CNTLN: variants seen among roughly 807,000 people sequenced by gnomAD.
The protein encoded by CNTLN is centlein, also known as centlein, centrosomal protein.
A neutral mutation model predicts 180.0 loss-of-function variants in CNTLN; 212 were observed. The ratio of observed to expected loss-of-function variants is 1.18; its 90% confidence interval spans 1.05 to 1.32. The LOEUF (loss-of-function observed/expected upper bound fraction) is 1.32. Ranked by LOEUF, CNTLN falls within the 40% of genes most tolerant of loss-of-function variation. CNTLN has a pLI of 0.00. For synonymous variants in CNTLN, 722 were observed against 563.1 expected (o/e 1.28, Z -3.99); for missense variants, 2,095 against 1,610.9 (o/e 1.30, Z -5.14).
rs35280499 is a variant in CNTLN at position 17,256,091 on chromosome 9, A to AT, written c.850-17635dup. 5.1e-3 allele frequency among the ~76,000 whole-genome samples: 768 copies of AT among 151,708 alleles called. 5 individuals are homozygous for AT. The highest frequency in any genetic ancestry group is 7.8e-3 in the Admixed American group (119 of 15,210). On this transcript the variant is annotated intron_variant, in intron 5 of 25. Coordinates refer to ENST00000380647, the MANE Select transcript of CNTLN (RefSeq NM_017738.4). ...AATCCATATTGCTGAAAAGGATATGATTTTTTTAACTGCTACATAGTATTC... is the reference window on the plus strand; with the variant it reads ...AATCCATATTGCTGAAAAGGATATGATTTTTTTTAACTGCTACATAGTATTC...
At chr9:17,382,917 GA>G (rs1315699653) in intron 13 of CNTLN, among the ~76,000 whole-genome samples, 5 of 152,002 alleles carry the variant, frequency 3.3e-5, no homozygotes, top group Non-Finnish European at 7.4e-5. Flanking sequence ...CCCTGGAACT[GA>G]AAAATCAGCA....
chr9:17,408,061 A>G (rs929426744), intron 15 of CNTLN, among the ~76,000 whole-genome samples: 92 of 127,620 alleles, frequency 7.2e-4, no homozygotes, highest in Admixed American at 4.4e-3. Flanking sequence ...CTGGAGGTGG[A>G]GGTTGCAGTG....
intron 5 of CNTLN, among the ~76,000 whole-genome samples, chr9:17,266,644 A>G (rs961819341): frequency 2.0e-5 from 3 of 152,258 alleles, no homozygotes; most frequent in African/African-American, 4.8e-5. Context: ...GGGATGTTAT[A>G]GTCTCCCATT....
chr9:17,266,085 T>A (rs940312258), intron 5 of CNTLN, among the ~76,000 whole-genome samples: 1 of 152,048 alleles, frequency 6.6e-6, no homozygotes, highest in Admixed American at 6.6e-5. Flanking sequence ...TGCTAGCTTT[T>A]GAATGTGTTT....
chr9:17,518,349 C>T, the CNTLN span, among the ~76,000 whole-genome samples: 3 of 151,958 alleles, frequency 2.0e-5, no homozygotes, highest in Non-Finnish European at 4.4e-5. Flanking sequence ...GCCTGGCCTC[C>T]ATAAAGTTTT....
chr9:17,253,761 G>GT (rs60517986), intron 5 of CNTLN, among the ~76,000 whole-genome samples: 29,517 of 142,608 alleles, frequency 0.21, 3,753 homozygotes, highest in African/African-American at 0.36. Context: ...CTTTTCTATT[G>GT]TTTTTTTTTT....
chr9:17,349,978 G>A (rs111595408), intron 12 of CNTLN, among the ~76,000 whole-genome samples: 4,442 of 152,302 alleles, frequency 0.029, 155 homozygotes, highest in African/African-American at 0.083. Context: ...GATAGTAAGA[G>A]GCAAGCTTTC....
rs376072585 is a variant in CNTLN at position 17,457,586 on chromosome 9, G to A, written c.3177G>A (p.Glu1059=). The change falls in exon 19 of 26, where the codon GAG becomes GAA. Residue 1059 remains glutamate (E), a synonymous_variant. Coordinates refer to ENST00000380647, the MANE Select transcript of CNTLN (RefSeq NM_017738.4). The part of the protein sequence containing the change: ...KEKEDLLKKL[E]SSSEITSLAE... ...AAGAAGATTTACTAAAGAAATTGGAGTCCTCATCTGAAATCACAAGTTTGG... is the reference window on the plus strand; with the variant it reads ...AAGAAGATTTACTAAAGAAATTGGAATCCTCATCTGAAATCACAAGTTTGG... 13 of 1,553,484 alleles carry A rather than the reference G, an allele frequency of 8.4e-6. No homozygotes were observed. The highest frequency in any genetic ancestry group is 5.5e-5 in the African/African-American group (4 of 72,196).
chr9:17,175,257 A>C (rs374684271), intron 2 of CNTLN, among the ~76,000 whole-genome samples: 13 of 152,018 alleles, frequency 8.6e-5, no homozygotes, highest in African/African-American at 2.7e-4. Context: ...TTTTCCTAAA[A>C]GTTTTATAGT....
intron 12 of CNTLN, among the ~76,000 whole-genome samples, chr9:17,362,445 G>C (rs1331569180): frequency 6.6e-6 from 1 of 152,090 alleles, no homozygotes; most frequent in Non-Finnish European, 1.5e-5. Flanking sequence ...ATCCTTATGT[G>C]TGTGAATTGA....
intron 25 of CNTLN, among the ~76,000 whole-genome samples, chr9:17,497,244 C>T (rs1189293299): frequency 1.3e-5 from 2 of 152,122 alleles, no homozygotes; most frequent in Non-Finnish European, 2.9e-5. Flanking sequence ...AAACTCCCAG[C>T]TGCTGAGGAG....
At chr9:17,492,344 A>C (rs1036457741) in intron 25 of CNTLN, among the ~76,000 whole-genome samples, 1 of 151,956 alleles carries the variant, frequency 6.6e-6, no homozygotes, top group East Asian at 1.9e-4. Context: ...CTTGTGCTAT[A>C]AGAAAACAAA....
intron 2 of CNTLN, among the ~76,000 whole-genome samples, chr9:17,193,493 G>A (rs535141030): frequency 2.0e-5 from 3 of 151,886 alleles, no homozygotes; most frequent in Non-Finnish European, 4.4e-5. Flanking sequence ...CAGTGGGGCA[G>A]TCAAATCTTA....
At chr9:17,501,401 A>G (rs779152023) in intron 25 of CNTLN, among the ~76,000 whole-genome samples, 2 of 152,146 alleles carry the variant, frequency 1.3e-5, no homozygotes, top group African/African-American at 2.4e-5. Flanking sequence ...AATGTGGTCT[A>G]TTTGTTTTTG....
downstream of CNTLN, among the ~76,000 whole-genome samples, chr9:17,504,168 T>C (rs950361049): frequency 6.6e-6 from 1 of 152,108 alleles, no homozygotes; most frequent in Non-Finnish European, 1.5e-5. Context: ...GACCATCAAA[T>C]GTCACACACT....
intron 5 of CNTLN, among the ~76,000 whole-genome samples, chr9:17,257,571 G>A (rs924030819): frequency 1.3e-5 from 2 of 151,404 alleles, no homozygotes; most frequent in African/African-American, 4.9e-5. Flanking sequence ...CACAATGGTT[G>A]AATTAGTTTA....
intron 16 of CNTLN, among the ~76,000 whole-genome samples, chr9:17,413,923 C>A (rs989764841): frequency 2.0e-5 from 3 of 152,150 alleles, no homozygotes; most frequent in African/African-American, 4.8e-5. Flanking sequence ...GATCATAGAA[C>A]CTTTGTTTGT....
At chr9:17,305,357 G>C (rs552595973) in intron 7 of CNTLN, among the ~76,000 whole-genome samples, 2 of 151,944 alleles carry the variant, frequency 1.3e-5, no homozygotes. Flanking sequence ...TTATCCATTC[G>C]AGCTTTTTGG....
At position 17,503,316 on chromosome 9, in the gene CNTLN, A is replaced by G. The variant is rs1833846996; in HGVS notation, c.*664A>G. The G allele has an allele frequency of 6.6e-6, 1 of 152,208 alleles. No individual in the cohort carries two copies. The highest frequency in any genetic ancestry group is 1.9e-4 in the East Asian group (1 of 5,194). 9.4% of individuals were successfully genotyped at this position (152,208 alleles called of 1,614,324 possible). On this transcript the variant is annotated 3_prime_UTR_variant, in exon 26 of 26. Coordinates refer to ENST00000380647, the MANE Select transcript of CNTLN (RefSeq NM_017738.4). ...TTGCAGGGAACCACAAACCCAATGT[A>G]TAAAATTAGGCTCTATTTAACAGAA...
Sources: gnomAD v4.1 joint callset for allele counts (sites outside exome capture counted in the v4.1 genomes callset) on GRCh38, gnomAD v4.1.1 for gene constraint, MANE v1.5 for transcripts, NCBI Gene and HGNC (gene_info 2026-07-23, HGNC 2026-07-21) for gene names.